The following DPF3 variants were observed in gnomAD, a reference collection of about 807,000 sequenced individuals.
DPF3 encodes double PHD fingers 3.
Under a neutral mutation model 56.8 loss-of-function variants are expected in DPF3, and 18 were observed. The observed-to-expected ratio is 0.32, with a 90% CI of 0.22 to 0.47. DPF3 has a LOEUF of 0.47. Among genes scored for constraint, DPF3 ranks in the 20% least tolerant of loss-of-function variants. The probability of loss-of-function intolerance (pLI) is 1.00; values close to 1 mark genes in which losing one functional copy is unlikely to be tolerated. For synonymous variants in DPF3, 188 were observed against 180.2 expected (o/e 1.04, Z -0.35); for missense variants, 403 against 488.8 (o/e 0.82, Z 1.65).
chr14:72,857,656 G>T (rs1345348507), intron 1 of DPF3, among the ~76,000 whole-genome samples: 3 of 152,000 alleles, frequency 2.0e-5, no homozygotes, highest in Non-Finnish European at 4.4e-5. Flanking sequence ...GCGCAATCTC[G>T]GCTCACTGCA....
At chr14:72,656,197 C>T (rs1257218500) in intron 8 of DPF3, among the ~76,000 whole-genome samples, 1 of 152,182 alleles carries the variant, frequency 6.6e-6, no homozygotes, top group Non-Finnish European at 1.5e-5. Flanking sequence ...TGTTAATAAG[C>T]TTTTCTGTAC....
At chr14:72,826,049 C>T (rs555929357) in intron 1 of DPF3, among the ~76,000 whole-genome samples, 1 of 152,182 alleles carries the variant, frequency 6.6e-6, no homozygotes, top group East Asian at 1.9e-4. Context: ...TCATTGATCT[C>T]GGCGGGCTCT....
chr14:72,624,333 CTTTTTT>C (rs55820708), intron 9 of DPF3, among the ~76,000 whole-genome samples: 1 of 97,802 alleles, frequency 1.0e-5, no homozygotes, highest in East Asian at 3.3e-4. Flanking sequence ...ACCTATGTCT[CTTTTTT>C]TTTTTTTTTT....
chr14:72,762,175 T>A (rs1161994569), intron 2 of DPF3, among the ~76,000 whole-genome samples: 2 of 151,692 alleles, frequency 1.3e-5, no homozygotes, highest in African/African-American at 4.8e-5. Flanking sequence ...AATGAAGAAA[T>A]ACTTCCCAAC....
intron 7 of DPF3, among the ~76,000 whole-genome samples, chr14:72,690,607 AC>A (rs1418819282): frequency 6.6e-6 from 1 of 151,402 alleles, no homozygotes; most frequent in Non-Finnish European, 1.5e-5. Context: ...CGCACACACA[AC>A]ATGCACGCAC....
chr14:72,644,350 C>T (rs1309412636), intron 8 of DPF3, among the ~76,000 whole-genome samples: 2 of 152,226 alleles, frequency 1.3e-5, no homozygotes, highest in Admixed American at 6.5e-5. Flanking sequence ...GATCTGTTTC[C>T]ATCGGCCAAA....
At chr14:72,634,761 C>T (rs1236804166) in intron 8 of DPF3, among the ~76,000 whole-genome samples, 2 of 151,984 alleles carry the variant, frequency 1.3e-5, no homozygotes, top group African/African-American at 4.8e-5. Context: ...TTCATAGCCC[C>T]AGTTTTCTTT....
intron 9 of DPF3, among the ~76,000 whole-genome samples, chr14:72,625,544 T>C (rs564985171): frequency 9.2e-5 from 14 of 152,304 alleles, no homozygotes; most frequent in African/African-American, 3.4e-4. Context: ...ATGGTTCTTT[T>C]TATGAGAGAA....
chr14:72,883,645 T>C (rs1356589358), intron 1 of DPF3, among the ~76,000 whole-genome samples: 2 of 152,166 alleles, frequency 1.3e-5, no homozygotes, highest in Non-Finnish European at 2.9e-5. Context: ...ATAAAGAATC[T>C]GGCCTGGCAT....
chr14:72,638,904 C>T (rs1885464172), intron 8 of DPF3, among the ~76,000 whole-genome samples: 2 of 150,812 alleles, frequency 1.3e-5, no homozygotes, highest in African/African-American at 2.4e-5. Context: ...GCGAGCTCTG[C>T]CTCCTGGATT....
intron 8 of DPF3, among the ~76,000 whole-genome samples, chr14:72,638,048 G>T (rs1459719691): frequency 1.3e-5 from 2 of 152,198 alleles, no homozygotes; most frequent in Non-Finnish European, 2.9e-5. Context: ...CAGAGGCCTT[G>T]GGTAAGGTTC....
At chr14:72,637,355 G>C (rs1400652311) in intron 8 of DPF3, among the ~76,000 whole-genome samples, 1 of 152,158 alleles carries the variant, frequency 6.6e-6, no homozygotes, top group Non-Finnish European at 1.5e-5. Context: ...ACTCAACTTG[G>C]GGCCAATGCA....
intron 1 of DPF3, 98 bp downstream of exon 1, chr14:72,893,959 T>C (rs1599533127): frequency 6.9e-7 from 1 of 1,454,900 alleles, no homozygotes; most frequent in Non-Finnish European, 9.4e-7. Flanking sequence ...TGGAGGCGCC[T>C]GCAAGCGCAA....
intron 8 of DPF3, among the ~76,000 whole-genome samples, chr14:72,632,295 A>T (rs183089257): frequency 6.6e-6 from 1 of 152,332 alleles, no homozygotes; most frequent in Non-Finnish European, 1.5e-5. Context: ...ACATACACAT[A>T]CACATATGTA....
At chr14:72,694,828 A>T (rs1191361520) in intron 6 of DPF3, among the ~76,000 whole-genome samples, 1 of 152,234 alleles carries the variant, frequency 6.6e-6, no homozygotes, top group South Asian at 2.1e-4. Flanking sequence ...TTCCTGCTAT[A>T]GAGTTTTATT....
chr14:72,668,580 A>G (rs1482375011), intron 8 of DPF3, among the ~76,000 whole-genome samples: 1 of 152,188 alleles, frequency 6.6e-6, no homozygotes, highest in African/African-American at 2.4e-5. Flanking sequence ...TTCTCCTGGG[A>G]GTTTGCCTTG....
chr14:72,827,553 G>A (rs1399780569), intron 1 of DPF3, among the ~76,000 whole-genome samples: 1 of 120,156 alleles, frequency 8.3e-6, no homozygotes, highest in East Asian at 2.4e-4. Flanking sequence ...TCGGCTCACT[G>A]CAACCTCCGC....
At chr14:72,838,425 C>T (rs1169066192) in intron 1 of DPF3, among the ~76,000 whole-genome samples, 4 of 151,952 alleles carry the variant, frequency 2.6e-5, no homozygotes, top group Non-Finnish European at 5.9e-5. Context: ...ACCCAGGAGG[C>T]GGAGGTTGCC....
chr14:72,740,699 C>T (rs1204900425), intron 3 of DPF3, among the ~76,000 whole-genome samples: 1 of 152,198 alleles, frequency 6.6e-6, no homozygotes, highest in Non-Finnish European at 1.5e-5. Flanking sequence ...AAGATCTAGC[C>T]ACATGGGCCT....
Sources: allele counts gnomAD v4.1 joint callset (sites outside exome capture counted in the v4.1 genomes callset), GRCh38; gene constraint gnomAD v4.1.1; transcripts MANE v1.5; gene names NCBI Gene and HGNC (gene_info 2026-07-23, HGNC 2026-07-21).